KCTD8: variants seen among roughly 807,000 people sequenced by gnomAD.
The protein encoded by KCTD8 is BTB/POZ domain-containing protein KCTD8.
In KCTD8, 27 loss-of-function variants were observed where a neutral mutation model predicts 31.5. The ratio of observed to expected loss-of-function variants is 0.86; its 90% CI spans 0.63 to 1.18. The LOEUF (loss-of-function observed/expected upper bound fraction) is 1.18. KCTD8 is among the 50% of genes most tolerant of loss of function. KCTD8 has a pLI of 0.00. For missense variants in KCTD8, 658 were observed against 647.7 expected (o/e 1.02, Z -0.17); for synonymous variants, 290 against 280.0 (o/e 1.04, Z -0.36).
intron 1 of KCTD8, among the ~76,000 whole-genome samples, chr4:44,403,054 A>T (rs981529299): frequency 2.0e-5 from 3 of 152,216 alleles, no homozygotes; most frequent in Non-Finnish European, 2.9e-5. Flanking sequence ...AAACTCATTT[A>T]TCGAACATTT....
intron 1 of KCTD8, among the ~76,000 whole-genome samples, chr4:44,398,885 G>A (rs1720576935): frequency 6.6e-6 from 1 of 152,160 alleles, no homozygotes; most frequent in Admixed American, 6.6e-5. Context: ...AAGAAGACAA[G>A]TGTGAGTTGA....
chr4:44,336,149 CAAAAAAAAAAAAA>C (rs58161667), intron 1 of KCTD8, among the ~76,000 whole-genome samples: 2 of 46,526 alleles, frequency 4.3e-5, no homozygotes, highest in Non-Finnish European at 7.7e-5. Context: ...GACTCCGTCT[CAAAAAAAAAAAAA>C]AAAAAAAAAA....
At chr4:44,413,598 TAGTTTGGAAATCC>T (rs57216514) in intron 1 of KCTD8, among the ~76,000 whole-genome samples, 2,538 of 152,258 alleles carry the variant, frequency 0.017, 75 homozygotes, top group African/African-American at 0.058. Flanking sequence ...GCTTAAAGGG[TAGTTTGGAAATCC>T]AATTGTTGTA....
chr4:44,181,390 C>T lies in KCTD8; in HGVS notation c.962-6140G>A, dbSNP rs377150676. The stretch of plus-strand genomic sequence containing the variant: ...CCTGCCGAGTGCCTGCGATTGCAGG[C>T]GCGCACCACCACGCCTGACTGGTTT... On this transcript the variant is annotated intron_variant, in intron 1 of 1. Coordinates refer to ENST00000360029, the MANE Select transcript of KCTD8 (RefSeq NM_198353.3). Among the ~76,000 whole-genome samples the T allele has an allele frequency of 3.9e-5, 6 of 152,300 alleles. No homozygotes were observed. The South Asian group carries it at 6.2e-4, about 16-fold the overall frequency.
At chr4:44,198,475 C>A (rs553228939) in intron 1 of KCTD8, among the ~76,000 whole-genome samples, 1 of 152,224 alleles carries the variant, frequency 6.6e-6, no homozygotes, top group Non-Finnish European at 1.5e-5. Context: ...AGAAACCTCA[C>A]AAGTCAGAAG....
At chr4:44,269,535 C>T (rs946336693) in intron 1 of KCTD8, among the ~76,000 whole-genome samples, 1 of 151,624 alleles carries the variant, frequency 6.6e-6, no homozygotes, top group Admixed American at 6.6e-5. Flanking sequence ...CCAAAATTGA[C>T]AAATGGGATC....
intron 1 of KCTD8, among the ~76,000 whole-genome samples, chr4:44,445,041 T>G (rs116043620): frequency 5.0e-4 from 76 of 152,342 alleles, no homozygotes; most frequent in African/African-American, 1.8e-3. Flanking sequence ...CCAGTAACTT[T>G]GCTCTTATGA....
intron 1 of KCTD8, among the ~76,000 whole-genome samples, chr4:44,245,984 A>G (rs915329811): frequency 6.6e-6 from 1 of 152,108 alleles, no homozygotes; most frequent in Non-Finnish European, 1.5e-5. Context: ...AATAAAACAA[A>G]CAAGCAAGAA....
intron 1 of KCTD8, among the ~76,000 whole-genome samples, chr4:44,445,693 A>G (rs984079251): frequency 6.6e-6 from 1 of 152,204 alleles, no homozygotes; most frequent in Admixed American, 6.5e-5. Context: ...AAGATTTTCA[A>G]AATTTCAGAA....
At chr4:44,335,457 T>A (rs1353764928) in intron 1 of KCTD8, among the ~76,000 whole-genome samples, 2 of 152,046 alleles carry the variant, frequency 1.3e-5, no homozygotes, top group Admixed American at 6.6e-5. Flanking sequence ...GAACCTATAA[T>A]AAAAGTTGTA....
Position 44,175,126 on chromosome 4 carries a change from G to A in KCTD8, c.1086C>T (p.Ser362=). The part of the protein sequence containing the change: ...CNELSTSSCD[S]HSEASTPQDN... ...CCTGGGGAGTGCTTGCCTCTGAATG[G>A]CTGTCACAACTGGAAGTGGAGAGCT... Residue 362 remains serine (S), a synonymous_variant, in exon 2 of 2, where the codon AGC becomes AGT. Transcript: ENST00000360029. 6.2e-7 allele frequency: 1 copy of A among 1,614,014 alleles called. No individual in the cohort carries two copies. The highest frequency in any genetic ancestry group is 8.5e-7 in the Non-Finnish European group (1 of 1,179,952).
chr4:44,343,582 A>G (rs1352091580), intron 1 of KCTD8, among the ~76,000 whole-genome samples: 1 of 152,208 alleles, frequency 6.6e-6, no homozygotes, highest in Non-Finnish European at 1.5e-5. Context: ...AAAATCCTTC[A>G]ATTTATTAAA....
intron 1 of KCTD8, among the ~76,000 whole-genome samples, chr4:44,303,996 A>T (rs974390194): frequency 1.1e-4 from 16 of 152,202 alleles, no homozygotes; most frequent in African/African-American, 3.6e-4. Flanking sequence ...GTATGAAGTT[A>T]CACTGATGAA....
At chr4:44,387,264 G>A (rs866572293) in intron 1 of KCTD8, among the ~76,000 whole-genome samples, 22 of 151,798 alleles carry the variant, frequency 1.4e-4, no homozygotes, top group African/African-American at 4.3e-4. Context: ...TCAGGGATAC[G>A]AAGAACCAGC....
chr4:44,300,268 AT>A (rs1717571095), intron 1 of KCTD8, among the ~76,000 whole-genome samples: 1 of 152,122 alleles, frequency 6.6e-6, no homozygotes. Flanking sequence ...CCCAATCACG[AT>A]TTTTATCACT....
intron 1 of KCTD8, among the ~76,000 whole-genome samples, chr4:44,251,058 G>A (rs999605953): frequency 3.3e-5 from 5 of 151,556 alleles, no homozygotes; most frequent in African/African-American, 1.2e-4. Flanking sequence ...CATATGGATA[G>A]CCAATTTTAC....
At chr4:44,268,773 G>A (rs1320196783) in intron 1 of KCTD8, among the ~76,000 whole-genome samples, 2 of 152,126 alleles carry the variant, frequency 1.3e-5, no homozygotes, top group Admixed American at 1.3e-4. Context: ...CAAATCATGA[G>A]TGAACTCCCA....
At chr4:44,226,222 T>A (rs1468145779) in intron 1 of KCTD8, among the ~76,000 whole-genome samples, 1 of 152,108 alleles carries the variant, frequency 6.6e-6, no homozygotes, top group African/African-American at 2.4e-5. Flanking sequence ...CCCCGGTGTG[T>A]GATGTTCCCC....
At chr4:44,237,514 G>A (rs1289765185) in intron 1 of KCTD8, among the ~76,000 whole-genome samples, 1 of 152,136 alleles carries the variant, frequency 6.6e-6, no homozygotes, top group Admixed American at 6.5e-5. Flanking sequence ...GAAGACCAAG[G>A]TGACCTACAT....
Sources: gnomAD v4.1 joint callset for allele counts (sites outside exome capture counted in the v4.1 genomes callset) on GRCh38, gnomAD v4.1.1 for gene constraint, MANE v1.5 for transcripts, NCBI Gene and HGNC (gene_info 2026-07-23, HGNC 2026-07-21) for gene names.